Variants in RPH3A observed in about 807,000 individuals in gnomAD.
RPH3A encodes rabphilin-3A.
RPH3A carries 48 observed loss-of-function variants against 102.2 expected under a neutral mutation model. The observed-to-expected ratio is 0.47, with a 90% CI of 0.37 to 0.60. The LOEUF (loss-of-function observed/expected upper bound fraction) is 0.60, where lower values mean the gene tolerates loss of function less well. Ranked by LOEUF, RPH3A falls within the 20% of genes least tolerant of loss-of-function variation. The pLI is 0.00. For missense variants in RPH3A, 781 were observed against 910.1 expected (o/e 0.86, Z 1.83); for synonymous variants, 310 against 324.3 (o/e 0.96, Z 0.47).
intron 1 of RPH3A, among the ~76,000 whole-genome samples, chr12:112,629,976 A>G (rs1405721516): frequency 6.6e-6 from 1 of 152,104 alleles, no homozygotes; most frequent in Admixed American, 6.5e-5. Flanking sequence ...TCACACAGCT[A>G]GGAAGATATA....
At chr12:112,858,300 GAAAAGA>G (rs2042447063) in intron 5 of RPH3A, among the ~76,000 whole-genome samples, 1 of 112,806 alleles carries the variant, frequency 8.9e-6, no homozygotes, top group Non-Finnish European at 1.9e-5. Flanking sequence ...AAAAAGAAAA[GAAAAGA>G]AAAAGAAAAA....
intron 1 of RPH3A, among the ~76,000 whole-genome samples, chr12:112,757,239 C>T (rs1413363693): frequency 6.6e-6 from 1 of 152,186 alleles, no homozygotes; most frequent in African/African-American, 2.4e-5. Context: ...GGCTTTTCAT[C>T]GCGTTCTTTG....
chr12:112,865,686 G>C (rs1463851651), intron 6 of RPH3A, 143 bp downstream of exon 6: 6 of 873,520 alleles, frequency 6.9e-6, no homozygotes, highest in Admixed American at 3.1e-5. Context: ...TTTTTTCTGG[G>C]ATGCTTCCAT....
chr12:112,610,789 G>A (rs1019586943), intron 1 of RPH3A, among the ~76,000 whole-genome samples: 3 of 151,802 alleles, frequency 2.0e-5, no homozygotes, highest in African/African-American at 4.8e-5. Context: ...CTGCCGCCAC[G>A]CCCAGCTAAT....
chr12:112,808,962 A>G lies in RPH3A; in HGVS notation c.-19+16699A>G, dbSNP rs367544938. Among the ~76,000 whole-genome samples the G allele has an allele frequency of 1.2e-4, 18 of 152,284 alleles. No homozygotes were observed. In the East Asian group the frequency reaches 1.5e-3, roughly 13 times the overall value. Reference sequence around the variant, plus strand: ...GGAACTTTAGCAATATAGCCATACCAGGACTCAGCCCTAGAGTTTCTTCTT... The same window carrying G: ...GGAACTTTAGCAATATAGCCATACCGGGACTCAGCCCTAGAGTTTCTTCTT... On this transcript the variant is annotated intron_variant, in intron 2 of 21. Transcript: ENST00000389385.
chr12:112,742,308 G>A lies in RPH3A; in HGVS notation c.-139-49835G>A, dbSNP rs368637959. Among the ~76,000 whole-genome samples, 11 of 152,192 alleles carry A rather than the reference G, an allele frequency of 7.2e-5. No homozygotes were observed. The East Asian group carries it at 9.7e-4, about 13-fold the overall frequency. ...ATTCTTGCTGTGGGTAGACTCTTCC[G>A]GGAAATTGGAGAGGAAATGTTGTAT... On this transcript the variant is annotated intron_variant, in intron 1 of 21. Coordinates refer to the RPH3A transcript ENST00000543106.
chr12:112,881,797 G>A lies in RPH3A; in HGVS notation c.1277G>A (p.Gly426Asp). ...AKGLKPMDSN[G>D]LADPYVKLHL... ...GGCCTGAAGCCCATGGATTCAAACG[G>A]CTTGGCTGATCCCTACGTTAAGCTG... is the stretch of plus-strand genomic sequence containing the variant. Residue 426 changes from glycine (G) to aspartate (D), a missense_variant, in exon 15 of 22, where the codon GGC becomes GAC. Physicochemically the swap from Gly to Asp is moderately conservative, Grantham distance 94. Around this residue, in one of 2 missense-constraint regions of RPH3A, gnomAD observed 730 missense variants for 810.0 expected, o/e 0.90. Coordinates refer to ENST00000389385, the MANE Select transcript of RPH3A (RefSeq NM_001143854.2). 1 of 1,612,604 alleles carries A rather than the reference G, an allele frequency of 6.2e-7. No individual in the cohort carries two copies. The highest frequency in any genetic ancestry group is 8.5e-7 in the Non-Finnish European group (1 of 1,179,116).
intron 1 of RPH3A, among the ~76,000 whole-genome samples, chr12:112,621,350 C>T (rs1337858183): frequency 6.0e-5 from 9 of 149,538 alleles, no homozygotes; most frequent in South Asian, 2.2e-4. Flanking sequence ...AGTGGGTGCG[C>T]GCACCGTGCG....
At chr12:112,782,087 G>A (rs766477453) in intron 1 of RPH3A, among the ~76,000 whole-genome samples, 4 of 152,234 alleles carry the variant, frequency 2.6e-5, no homozygotes, top group South Asian at 2.1e-4. Context: ...GGAGCAGTTC[G>A]GGATGGGTCC....
chr12:112,671,386 T>A (rs2040128858), intron 1 of RPH3A, among the ~76,000 whole-genome samples: 1 of 152,212 alleles, frequency 6.6e-6, no homozygotes, highest in African/African-American at 2.4e-5. Context: ...TGGTCTAAAA[T>A]GGCTATTCCA....
chr12:112,697,212 G>A (rs58873771), intron 1 of RPH3A, among the ~76,000 whole-genome samples: 20,085 of 152,166 alleles, frequency 0.13, 1,357 homozygotes, highest in South Asian at 0.2. Flanking sequence ...GATCATGTAT[G>A]TAGAAATTCC....
chr12:112,580,537 G>A (rs2135957946), intron 1 of RPH3A, among the ~76,000 whole-genome samples: 1 of 151,668 alleles, frequency 6.6e-6, no homozygotes, highest in Admixed American at 6.6e-5. Flanking sequence ...CCGAGTAGCT[G>A]GGACCACCGG....
chr12:112,842,402 T>C (rs1323080381), intron 4 of RPH3A, among the ~76,000 whole-genome samples: 1 of 152,214 alleles, frequency 6.6e-6, no homozygotes, highest in African/African-American at 2.4e-5. Context: ...CACTAATAAG[T>C]ATTCCCTTTA....
intron 1 of RPH3A, among the ~76,000 whole-genome samples, chr12:112,708,019 A>G (rs761505297): frequency 6.6e-6 from 1 of 152,222 alleles, no homozygotes; most frequent in Non-Finnish European, 1.5e-5. Context: ...AAGTCGTGGG[A>G]CGGGAAGCTG....
At chr12:112,754,577 G>A (rs112994630) in intron 1 of RPH3A, among the ~76,000 whole-genome samples, 7 of 152,304 alleles carry the variant, frequency 4.6e-5, no homozygotes, top group South Asian at 2.1e-4. Flanking sequence ...ATTGTTCCAC[G>A]TGAGCTTCAA....
intron 5 of RPH3A, 60 bp from the exon 6 acceptor site, chr12:112,865,354 G>A: frequency 1.9e-6 from 3 of 1,588,918 alleles, no homozygotes; most frequent in Non-Finnish European, 2.6e-6. Context: ...CTGACACTGT[G>A]GGGTATGCTG....
intron 1 of RPH3A, among the ~76,000 whole-genome samples, chr12:112,715,224 A>G (rs1442347779): frequency 6.6e-6 from 1 of 152,180 alleles, no homozygotes; most frequent in African/African-American, 2.4e-5. Context: ...TTCTCCAGGT[A>G]TTCACTTGCC....
chr12:112,578,863 T>C (rs12303783), intron 1 of RPH3A, among the ~76,000 whole-genome samples: 7,944 of 152,272 alleles, frequency 0.052, 611 homozygotes, highest in African/African-American at 0.16. Context: ...AACTCAGCTC[T>C]GGGCAATCAT....
intron 1 of RPH3A, among the ~76,000 whole-genome samples, chr12:112,777,357 A>C (rs2040975458): frequency 6.6e-6 from 1 of 152,218 alleles, no homozygotes; most frequent in Admixed American, 6.5e-5. Context: ...CAAATCCCCT[A>C]GTAGCTTCTG....
Sources: allele counts gnomAD v4.1 joint callset (sites outside exome capture counted in the v4.1 genomes callset), GRCh38; gene constraint gnomAD v4.1.1; regional missense constraint gnomAD v4.1.1; transcripts MANE v1.5; gene names NCBI Gene and HGNC (gene_info 2026-07-23, HGNC 2026-07-21).